ZSCAN25: variants seen among roughly 807,000 people sequenced by gnomAD.
The protein encoded by ZSCAN25 is zinc finger and SCAN domain-containing protein 25.
ZSCAN25 carries 27 observed loss-of-function variants against 38.7 expected under a neutral mutation model. The observed-to-expected ratio is 0.70, with a 90% CI of 0.51 to 0.96. The LOEUF is 0.96. ZSCAN25 is among the 40% of genes least tolerant of loss of function. The pLI, the probability that ZSCAN25 is intolerant of heterozygous loss-of-function variation, is 0.00. For missense variants in ZSCAN25, 637 were observed against 705.9 expected (o/e 0.90, Z 1.11); for synonymous variants, 273 against 277.7 (o/e 0.98, Z 0.17).
the ZSCAN25 span, among the ~76,000 whole-genome samples, chr7:99,712,943 C>T: frequency 1.8e-3 from 269 of 152,232 alleles, 1 homozygote; most frequent in African/African-American, 6.1e-3. Flanking sequence ...GTTACTTATC[C>T]ATTGCAAAGG....
chr7:99,732,185 G>A, the ZSCAN25 span, among the ~76,000 whole-genome samples: 5 of 152,052 alleles, frequency 3.3e-5, no homozygotes, highest in Non-Finnish European at 7.4e-5. Flanking sequence ...GAGATCTGGT[G>A]GTTTATAAGT....
At chr7:99,653,862 A>G in the ZSCAN25 span, among the ~76,000 whole-genome samples, 1 of 152,198 alleles carries the variant, frequency 6.6e-6, no homozygotes. This position sits in a 1 kb window ranked among gnomAD's most constrained non-coding sequence, Gnocchi z 4.2. Flanking sequence ...TTAGCTCAGG[A>G]GTCAGATACC....
chr7:99,621,684 A>G (rs1806979727), intron 5 of ZSCAN25, 110 bp downstream of exon 5: 1 of 957,650 alleles, frequency 1.0e-6, no homozygotes, highest in African/African-American at 1.7e-5. Flanking sequence ...ACGAGGTGTA[A>G]TTGTGAATTT....
the ZSCAN25 span, among the ~76,000 whole-genome samples, chr7:99,684,427 C>T: frequency 3.9e-5 from 6 of 152,116 alleles, no homozygotes; most frequent in Admixed American, 3.9e-4. Context: ...CTCGGCCTCC[C>T]AAAGTGCTGG....
downstream of ZSCAN25, among the ~76,000 whole-genome samples, chr7:99,634,968 G>T (rs1178688616): frequency 6.6e-6 from 1 of 152,014 alleles, no homozygotes; most frequent in Non-Finnish European, 1.5e-5. Flanking sequence ...ATAATAAGCT[G>T]GTTTCAAGTC....
chr7:99,643,644 T>C, the ZSCAN25 span, among the ~76,000 whole-genome samples: 1 of 151,956 alleles, frequency 6.6e-6, no homozygotes, highest in Non-Finnish European at 1.5e-5. Context: ...CCAACCCCGA[T>C]GGCCCAAGGA....
the ZSCAN25 span, chr7:99,730,862 G>T: frequency 1.6e-6 from 1 of 633,392 alleles, no homozygotes; most frequent in Non-Finnish European, 2.6e-6. Context: ...CTGTCCAACT[G>T]AGGCAAACTT....
At chr7:99,662,839 G>T in the ZSCAN25 span, 5 of 1,613,888 alleles carry the variant, frequency 3.1e-6, no homozygotes, top group East Asian at 2.2e-5. The surrounding 1 kb of genome is among the most constrained non-coding windows in gnomAD (Gnocchi z 4.3). Flanking sequence ...AGTTTCTTTC[G>T]AATTCTGGGA....
the ZSCAN25 span, chr7:99,679,751 C>T: frequency 7.1e-7 from 1 of 1,405,868 alleles, no homozygotes; most frequent in East Asian, 2.3e-5. Context: ...ATCTTCAAAA[C>T]AGATAAGGGA....
the ZSCAN25 span, among the ~76,000 whole-genome samples, chr7:99,686,811 C>T: frequency 6.6e-6 from 1 of 152,112 alleles, no homozygotes; most frequent in Non-Finnish European, 1.5e-5. Flanking sequence ...CTGAGACAAA[C>T]CTTCCAGAGG....
At chr7:99,687,436 A>C in the ZSCAN25 span, among the ~76,000 whole-genome samples, 1 of 152,218 alleles carries the variant, frequency 6.6e-6, no homozygotes, top group Non-Finnish European at 1.5e-5. Context: ...TGGAAGATCA[A>C]ATGAATGAAA....
the ZSCAN25 span, chr7:99,695,707 A>T: frequency 1.9e-6 from 3 of 1,556,474 alleles, no homozygotes; most frequent in South Asian, 1.1e-5. Context: ...TGCTCTCTCC[A>T]ATCATAAGAA....
chr7:99,661,960 C>T, the ZSCAN25 span, among the ~76,000 whole-genome samples: 2 of 152,164 alleles, frequency 1.3e-5, no homozygotes, highest in African/African-American at 4.8e-5. Flanking sequence ...ACTCAATAGC[C>T]ATATGTGTCT....
chr7:99,694,249 T>C, the ZSCAN25 span, among the ~76,000 whole-genome samples: 1 of 152,208 alleles, frequency 6.6e-6, no homozygotes, highest in East Asian at 1.9e-4. Flanking sequence ...TTCATCATCC[T>C]TTTCATTTAT....
the ZSCAN25 span, chr7:99,648,067 C>T: frequency 8.9e-7 from 1 of 1,122,842 alleles, no homozygotes; most frequent in African/African-American, 1.6e-5. Context: ...CTATGAGAAG[C>T]AGAGAAGCTG....
At chr7:99,635,218 A>G (rs371713362), downstream of ZSCAN25, among the ~76,000 whole-genome samples, 5 of 152,056 alleles carry the variant, frequency 3.3e-5, no homozygotes, top group African/African-American at 1.2e-4. Context: ...TAACACTACA[A>G]CCATAAAGAA....
At chr7:99,704,203 C>G in the ZSCAN25 span, among the ~76,000 whole-genome samples, 1 of 152,090 alleles carries the variant, frequency 6.6e-6, no homozygotes, top group African/African-American at 2.4e-5. Flanking sequence ...CCAGAAATAT[C>G]AGGGGAGATG....
the ZSCAN25 span, chr7:99,675,999 C>T: frequency 1.2e-6 from 1 of 845,608 alleles, no homozygotes; most frequent in South Asian, 1.6e-5. Context: ...CCAGTCCCAC[C>T]ATTTCTGAAA....
At chr7:99,663,353 A>G in the ZSCAN25 span, 1 of 992,834 alleles carries the variant, frequency 1.0e-6, no homozygotes, top group Non-Finnish European at 1.2e-6. Flanking sequence ...ACTCTATATA[A>G]TCTTCAGTGA....
Sources: gnomAD v4.1 joint callset for allele counts (sites outside exome capture counted in the v4.1 genomes callset) on GRCh38, gnomAD v4.1.1 for gene constraint, Gnocchi (gnomAD v3.1) non-coding constraint, MANE v1.5 for transcripts, NCBI Gene and HGNC (gene_info 2026-07-23, HGNC 2026-07-21) for gene names.